STK3: variants seen among roughly 807,000 people sequenced by gnomAD.
STK3 encodes serine/threonine-protein kinase 3.
In STK3, 41 loss-of-function variants were observed where a neutral mutation model predicts 58.0. That is an observed-to-expected ratio of 0.71 (90% CI 0.55 to 0.92). The LOEUF (loss-of-function observed/expected upper bound fraction) is 0.92. STK3 is among the 40% of genes least tolerant of loss of function. STK3 has a pLI of 0.00. For synonymous variants in STK3, 170 were observed against 191.0 expected, an observed-to-expected ratio of 0.89 and a Z score of 0.91; for missense variants, 479 against 602.7, an observed-to-expected ratio of 0.79 and a Z score of 2.15.
chr8:98,783,562 G>T (rs79803242), intron 1 of STK3, among the ~76,000 whole-genome samples: 1 of 152,190 alleles, frequency 6.6e-6, no homozygotes, highest in African/African-American at 2.4e-5. Flanking sequence ...GGTGGTGGTT[G>T]CAAAAGGTTG....
At chr8:98,408,505 T>G (rs552618412) in intron 3 of STK3, among the ~76,000 whole-genome samples, 2 of 152,318 alleles carry the variant, frequency 1.3e-5, no homozygotes, top group East Asian at 3.9e-4. Context: ...GCTCATAAAT[T>G]CAGCAAGTCT....
At chr8:98,941,249 C>T (rs547827429) in intron 1 of STK3, among the ~76,000 whole-genome samples, 1 of 152,386 alleles carries the variant, frequency 6.6e-6, no homozygotes, top group South Asian at 2.1e-4. Flanking sequence ...AGCCTTTTGC[C>T]CTTGTCTCCG....
intron 10 of STK3, among the ~76,000 whole-genome samples, chr8:98,504,932 G>T (rs932004498): frequency 3.3e-5 from 5 of 152,094 alleles, no homozygotes; most frequent in African/African-American, 1.2e-4. Context: ...TTTGAATGTT[G>T]GTCCACCTTG....
intron 3 of STK3, among the ~76,000 whole-genome samples, chr8:98,851,921 G>A (rs1009294134): frequency 2.6e-5 from 4 of 152,158 alleles, no homozygotes; most frequent in Non-Finnish European, 5.9e-5. Context: ...CCAGAGGTTC[G>A]AGGCTGTAGT....
At chr8:98,507,459 C>G (rs1824186307) in intron 10 of STK3, among the ~76,000 whole-genome samples, 1 of 152,234 alleles carries the variant, frequency 6.6e-6, no homozygotes, top group South Asian at 2.1e-4. Flanking sequence ...CTTACTGTCT[C>G]TGGTGCTCTT....
intron 6 of STK3, among the ~76,000 whole-genome samples, chr8:98,683,503 T>G (rs538882526): frequency 6.6e-6 from 1 of 152,250 alleles, no homozygotes; most frequent in East Asian, 1.9e-4. Context: ...TCTGCTAGAT[T>G]CATTTAGACA....
intron 3 of STK3, among the ~76,000 whole-genome samples, chr8:98,856,155 C>CAAAAAAA (rs60632558): frequency 9.3e-5 from 5 of 54,046 alleles, no homozygotes; most frequent in Non-Finnish European, 1.7e-4. Flanking sequence ...GACTCCATCT[C>CAAAAAAA]AAAAAAAAAA....
At chr8:98,769,828 C>T (rs1487086807) in intron 2 of STK3, among the ~76,000 whole-genome samples, 2 of 152,182 alleles carry the variant, frequency 1.3e-5, no homozygotes, top group Non-Finnish European at 2.9e-5. Flanking sequence ...AGAACAAACA[C>T]AGCAAGCTAA....
chr8:98,353,562 C>A, the STK3 span, among the ~76,000 whole-genome samples: 2 of 152,216 alleles, frequency 1.3e-5, no homozygotes, highest in South Asian at 4.1e-4. Context: ...GGGTCTTATT[C>A]CCAAGATATC....
At chr8:98,721,926 A>G (rs1563929709) in intron 4 of STK3, among the ~76,000 whole-genome samples, 1 of 151,638 alleles carries the variant, frequency 6.6e-6, no homozygotes, top group African/African-American at 2.4e-5. Context: ...TCTAGATTTA[A>G]TTTTTTTTTA....
intron 3 of STK3, among the ~76,000 whole-genome samples, chr8:98,877,191 C>T (rs1167817868): frequency 6.6e-6 from 1 of 152,100 alleles, no homozygotes; most frequent in African/African-American, 2.4e-5. Flanking sequence ...TTTATCTAGG[C>T]TATGTAATGA....
At chr8:98,512,316 T>C (rs1412011615) in intron 10 of STK3, among the ~76,000 whole-genome samples, 1 of 152,328 alleles carries the variant, frequency 6.6e-6, no homozygotes, top group Non-Finnish European at 1.5e-5. Flanking sequence ...AGTAATTGAT[T>C]GGTCTGAATT....
chr8:98,830,081 T>G (rs947013912), upstream of STK3, among the ~76,000 whole-genome samples: 2 of 151,874 alleles, frequency 1.3e-5, no homozygotes, highest in African/African-American at 4.8e-5. Context: ...ATACAAAAAT[T>G]AGCTGGGTGT....
At chr8:98,602,680 T>C (rs1052163934) in intron 6 of STK3, among the ~76,000 whole-genome samples, 5 of 152,212 alleles carry the variant, frequency 3.3e-5, no homozygotes, top group African/African-American at 1.2e-4. Flanking sequence ...CATACTGATT[T>C]ACTTCAACTC....
chr8:98,891,677 G>A (rs1243474088), intron 1 of STK3, among the ~76,000 whole-genome samples: 2 of 151,584 alleles, frequency 1.3e-5, no homozygotes, highest in Non-Finnish European at 2.9e-5. Flanking sequence ...ATAAACAGTA[G>A]TAAAAGAAAG....
chr8:98,396,227 T>C (rs986949974), intron 3 of STK3, among the ~76,000 whole-genome samples: 9 of 152,234 alleles, frequency 5.9e-5, no homozygotes, highest in Non-Finnish European at 1.3e-4. Context: ...ACATCCGCTG[T>C]TAAGTTTATT....
chr8:98,414,759 T>C (rs1040433911), intron 3 of STK3, among the ~76,000 whole-genome samples: 1 of 152,220 alleles, frequency 6.6e-6, no homozygotes, highest in East Asian at 1.9e-4. Flanking sequence ...GGGTATGATG[T>C]GGGCCACTTC....
chr8:98,344,376 G>A, the STK3 span, among the ~76,000 whole-genome samples: 1 of 152,238 alleles, frequency 6.6e-6, no homozygotes, highest in East Asian at 1.9e-4. Context: ...TTTACCTATA[G>A]CAAAACTCTG....
intron 10 of STK3, among the ~76,000 whole-genome samples, chr8:98,485,100 G>T (rs1241849420): frequency 6.6e-6 from 1 of 152,068 alleles, no homozygotes; most frequent in Non-Finnish European, 1.5e-5. Context: ...AATTAGCCAG[G>T]CGTGGTGGCA....
Sources: allele counts gnomAD v4.1 joint callset (sites outside exome capture counted in the v4.1 genomes callset), GRCh38; gene constraint gnomAD v4.1.1; transcripts MANE v1.5; gene names NCBI Gene and HGNC (gene_info 2026-07-23, HGNC 2026-07-21).